ZNF599: variants seen among roughly 807,000 people sequenced by gnomAD.
ZNF599 encodes the protein zinc finger protein 599.
ZNF599 carries 10 observed loss-of-function variants against 11.7 expected under a neutral mutation model. The ratio of observed to expected loss-of-function variants is 0.86; its 90% confidence interval spans 0.53 to 1.45. The LOEUF is 1.45. Among genes scored for constraint, ZNF599 ranks in the 40% most tolerant of loss-of-function variants. The pLI is 0.00. For missense variants in ZNF599, 688 were observed against 713.6 expected (o/e 0.96, Z 0.41); for synonymous variants, 232 against 253.2 (o/e 0.92, Z 0.79).
At chr19:34,777,445 ATT>A (rs987345133), upstream of ZNF599, among the ~76,000 whole-genome samples, 10 of 97,482 alleles carry the variant, frequency 1.0e-4, no homozygotes, top group Admixed American at 3.3e-4. Flanking sequence ...TATGATATAT[ATT>A]AATTAATATA....
In ZNF599 at chr19:34,758,746, C is replaced by A; in HGVS notation, c.*288G>T. The stretch of plus-strand genomic sequence containing the variant: ...AGGAAAGTTGTTCCTGACATTTTAC[C>A]TAAATGCATGTTAACCACCAGGTCT... On this transcript the variant is annotated 3_prime_UTR_variant, in exon 4 of 4. Transcript: ENST00000329285. 3.5e-6 allele frequency: 1 copy of A among 283,708 alleles called. No individual in the cohort carries two copies. The highest frequency in any genetic ancestry group is 6.6e-6 in the Non-Finnish European group (1 of 152,280). 17.6% of individuals were successfully genotyped at this position (283,708 alleles called of 1,614,324 possible).
the ZNF599 span, among the ~76,000 whole-genome samples, chr19:34,802,227 T>C: frequency 6.6e-6 from 1 of 151,638 alleles, no homozygotes; most frequent in Non-Finnish European, 1.5e-5. Flanking sequence ...GAGGAGAGAG[T>C]TTGGGTCAGA....
chr19:34,790,697 T>C, the ZNF599 span, among the ~76,000 whole-genome samples: 2 of 152,138 alleles, frequency 1.3e-5, no homozygotes, highest in Non-Finnish European at 2.9e-5. Flanking sequence ...TGCACAGAAC[T>C]GTGACTATAA....
chr19:34,778,512 G>A, the ZNF599 span, among the ~76,000 whole-genome samples: 1 of 152,198 alleles, frequency 6.6e-6, no homozygotes, highest in Non-Finnish European at 1.5e-5. Flanking sequence ...ATGTCTCCAG[G>A]TTTAGAGACA....
chr19:34,765,573 A>C (rs1382783649), intron 3 of ZNF599: 2 of 702,884 alleles, frequency 2.8e-6, no homozygotes, highest in Non-Finnish European at 5.2e-6. Flanking sequence ...CAGAAAGTGT[A>C]ATCTAGATTC....
the ZNF599 span, among the ~76,000 whole-genome samples, chr19:34,803,234 T>C: frequency 6.6e-6 from 1 of 152,072 alleles, no homozygotes; most frequent in Non-Finnish European, 1.5e-5. Flanking sequence ...CCAGTGAACC[T>C]ACCCAGGAAA....
At chr19:34,792,517 G>C in the ZNF599 span, among the ~76,000 whole-genome samples, 2 of 152,268 alleles carry the variant, frequency 1.3e-5, no homozygotes, top group East Asian at 3.9e-4. Context: ...GAGGTAAAGG[G>C]AATCTGTATA....
At chr19:34,775,869 A>G (rs1237970155), upstream of ZNF599, among the ~76,000 whole-genome samples, 1 of 152,236 alleles carries the variant, frequency 6.6e-6, no homozygotes, top group Non-Finnish European at 1.5e-5. Context: ...TACTGCGAAA[A>G]TACAAAACTT....
rs1360602163 is a variant in ZNF599 at position 34,760,376 on chromosome 19, T to C, written c.425A>G (p.His142Arg). ...CAACTTCTCAGGGCATATCTCTTTGTGGGGGTTTGTTCCTGGCCTCAAGTT... is the reference window on the plus strand; with the variant it reads ...CAACTTCTCAGGGCATATCTCTTTGCGGGGGTTTGTTCCTGGCCTCAAGTT... Reference protein sequence around the residue: ...EGNLRPGTNPHKEICPEKLSY... With the variant: ...EGNLRPGTNPRKEICPEKLSY... The change falls in exon 4 of 4, where the codon CAC becomes CGC. Residue 142 changes from histidine to arginine, a missense_variant. By Grantham distance (29) the His-to-Arg change is conservative. Transcript: ENST00000329285. 3 of 1,614,036 alleles carry C rather than the reference T, an allele frequency of 1.9e-6. No individual in the cohort carries two copies. The highest frequency in any genetic ancestry group is 2.5e-6 in the Non-Finnish European group (3 of 1,180,024).
At chr19:34,795,010 C>G in the ZNF599 span, among the ~76,000 whole-genome samples, 2 of 152,158 alleles carry the variant, frequency 1.3e-5, no homozygotes, top group Admixed American at 1.3e-4. Context: ...GGGCCCAAAG[C>G]AGGATGTCTT....
At chr19:34,785,887 C>A in the ZNF599 span, among the ~76,000 whole-genome samples, 1 of 152,188 alleles carries the variant, frequency 6.6e-6, no homozygotes, top group Non-Finnish European at 1.5e-5. Context: ...CAGGTCACAA[C>A]TATATTACCC....
At chr19:34,769,143 C>A (rs930608038) in intron 2 of ZNF599, among the ~76,000 whole-genome samples, 10 of 152,216 alleles carry the variant, frequency 6.6e-5, no homozygotes, top group African/African-American at 2.4e-4. Context: ...TTGACTCAAC[C>A]AAGCTGGGCC....
rs947054841 is a variant in ZNF599, at chr19:34,773,193, C to T, written c.-352G>A. 4 of 296,286 alleles carry T rather than the reference C, an allele frequency of 1.4e-5. No individual in the cohort carries two copies. Among genetic ancestry groups the T allele is most frequent in the African/African-American group, 8.7e-5 (4 of 46,144 alleles). 18.4% of individuals were successfully genotyped at this position (296,286 alleles called of 1,614,324 possible). ...GGCAACCACAGCAGCCGCAACCTAA[C>T]GGCGGACGAAGACTGGACGCCGGAA... On this transcript the variant is annotated 5_prime_UTR_variant, in exon 1 of 4. Transcript: ENST00000329285.
At chr19:34,779,027 G>A in the ZNF599 span, among the ~76,000 whole-genome samples, 5 of 152,136 alleles carry the variant, frequency 3.3e-5, no homozygotes, top group Non-Finnish European at 7.3e-5. Flanking sequence ...AACACCAATT[G>A]TTGGTGAGGA....
the ZNF599 span, among the ~76,000 whole-genome samples, chr19:34,781,337 G>C: frequency 6.6e-6 from 1 of 152,144 alleles, no homozygotes; most frequent in African/African-American, 2.4e-5. Context: ...TGTAGGTTCT[G>C]GGTGGAAGGA....
At chr19:34,784,055 A>G in the ZNF599 span, among the ~76,000 whole-genome samples, 10 of 152,204 alleles carry the variant, frequency 6.6e-5, no homozygotes, top group Admixed American at 5.2e-4. Context: ...GGGTGGTTTC[A>G]AACAAAAGAA....
the ZNF599 span, among the ~76,000 whole-genome samples, chr19:34,785,276 C>A: frequency 6.6e-6 from 1 of 152,140 alleles, no homozygotes; most frequent in Non-Finnish European, 1.5e-5. Context: ...CTAATCACTG[C>A]TTCCATATCC....
At chr19:34,803,196 G>A in the ZNF599 span, among the ~76,000 whole-genome samples, 1 of 152,276 alleles carries the variant, frequency 6.6e-6, no homozygotes, top group South Asian at 2.1e-4. Context: ...GAAGAGGATA[G>A]GACAGTGCAA....
rs150104204 is a variant in ZNF599 at position 34,769,481 on chromosome 19, C to A, written c.93G>T (p.Arg31Ser). The A allele has an allele frequency of 1.2e-6, 2 of 1,614,088 alleles. No individual in the cohort carries two copies. The highest frequency in any genetic ancestry group is 2.7e-5 in the African/African-American group (2 of 74,940). The change falls in exon 2 of 4, where the codon AGG becomes AGT. Residue 31 changes from arginine (R) to serine (S), a missense_variant. Physicochemically the swap from Arg to Ser is moderately radical, Grantham distance 110. Transcript: ENST00000329285. ...EEWGHLDLAQRTLYQEVMLET... is the reference protein window; with the variant it reads ...EEWGHLDLAQSTLYQEVMLET... ...CCAGCATCACCTCCTGGTACAGGGT[C>A]CTCTGGGCCAGGTCCAGGTGCCCCC...
Sources: gnomAD v4.1 joint callset for allele counts (sites outside exome capture counted in the v4.1 genomes callset) on GRCh38, gnomAD v4.1.1 for gene constraint, MANE v1.5 for transcripts, NCBI Gene and HGNC (gene_info 2026-07-23, HGNC 2026-07-21) for gene names.